Variants in DRD2 observed in about 807,000 individuals in gnomAD.
The protein encoded by DRD2 is D(2) dopamine receptor.
A neutral mutation model predicts 38.0 loss-of-function variants in DRD2; 8 were observed. The ratio of observed to expected loss-of-function variants is 0.21; its 90% CI spans 0.12 to 0.38. The LOEUF is 0.38. Ranked by LOEUF, DRD2 falls within the 10% of genes least tolerant of loss-of-function variation. DRD2 has a pLI of 1.00. For synonymous variants in DRD2, 230 were observed against 238.6 expected (o/e 0.96, Z 0.33); for missense variants, 403 against 607.7 (o/e 0.66, Z 3.54).
At chr11:113,425,804 G>T (rs1035442151) in intron 1 of DRD2, among the ~76,000 whole-genome samples, 1 of 152,080 alleles carries the variant, frequency 6.6e-6, no homozygotes, top group Non-Finnish European at 1.5e-5. Context: ...TGAGAGGGGT[G>T]GGGGGATGTT....
At chr11:113,414,284 T>C in intron 6 of DRD2, 91 bp downstream of exon 6, 1 of 1,252,330 alleles carries the variant, frequency 8.0e-7, no homozygotes, top group Non-Finnish European at 1.2e-6. Flanking sequence ...GCTTCTCCCA[T>C]TGGCCAGCTT....
chr11:113,441,657 C>T (rs1364831062), intron 1 of DRD2, among the ~76,000 whole-genome samples: 6 of 152,126 alleles, frequency 3.9e-5, no homozygotes, highest in Non-Finnish European at 7.3e-5. Flanking sequence ...GACAGCCCGG[C>T]TCATGAGGAA....
intron 1 of DRD2, among the ~76,000 whole-genome samples, chr11:113,468,527 G>T (rs7939472): frequency 0.97 from 148,109 of 152,168 alleles, 72,200 homozygotes; most frequent in Middle Eastern, 1. Flanking sequence ...ATTGATCAGG[G>T]TTTTTTTTGT....
At chr11:113,433,443 GA>G (rs1951007158) in intron 1 of DRD2, among the ~76,000 whole-genome samples, 1 of 152,192 alleles carries the variant, frequency 6.6e-6, no homozygotes, top group African/African-American at 2.4e-5. Context: ...CCCGTTAGTG[GA>G]AGCCCAGGGA....
rs187441195 is a variant in DRD2 at position 113,448,444 on chromosome 11, A to T, written c.-31-23762T>A. Reference sequence around the variant, plus strand: ...ACACAGAGACTCCTGGCTCCCTGTCAGAGCTGCTCCCCACTCTAAAAAGCC... The same window carrying T: ...ACACAGAGACTCCTGGCTCCCTGTCTGAGCTGCTCCCCACTCTAAAAAGCC... On this transcript the variant is annotated intron_variant, in intron 1 of 7. Coordinates refer to ENST00000362072, the MANE Select transcript of DRD2 (RefSeq NM_000795.4). 3.9e-3 allele frequency among the ~76,000 whole-genome samples: 595 copies of T among 152,330 alleles called. 14 individuals are homozygous for T. Among genetic ancestry groups the T allele is most frequent in the Admixed American group, 0.026 (399 of 15,302 alleles).
intron 1 of DRD2, among the ~76,000 whole-genome samples, chr11:113,452,435 CGTGTGTGTGT>C (rs759448996): frequency 0.031 from 4,088 of 130,290 alleles, 90 homozygotes; most frequent in South Asian, 0.061. Context: ...GGTGTGCATG[CGTGTGTGTGT>C]GTGTGTGTGT....
chr11:113,471,852 T>C (rs947873681), intron 1 of DRD2, among the ~76,000 whole-genome samples: 3 of 152,230 alleles, frequency 2.0e-5, no homozygotes, highest in African/African-American at 7.2e-5. Context: ...CTATAAACTA[T>C]ATCCCAGGAA....
intron 1 of DRD2, among the ~76,000 whole-genome samples, chr11:113,447,337 T>C (rs1951161196): frequency 6.6e-6 from 1 of 152,172 alleles, no homozygotes. Flanking sequence ...GGGGGAGCTC[T>C]CTCGGGCTTT....
At chr11:113,433,898 T>A (rs1400335703) in intron 1 of DRD2, among the ~76,000 whole-genome samples, 2 of 152,228 alleles carry the variant, frequency 1.3e-5, no homozygotes, top group African/African-American at 4.8e-5. Flanking sequence ...GAAGCTAGCC[T>A]TCGGCACTTT....
At chr11:113,463,304 C>A (rs1951339640) in intron 1 of DRD2, among the ~76,000 whole-genome samples, 2 of 152,178 alleles carry the variant, frequency 1.3e-5, no homozygotes, top group African/African-American at 4.8e-5. Flanking sequence ...TTTAATGTGG[C>A]TACCTGCAGC....
intron 2 of DRD2, among the ~76,000 whole-genome samples, chr11:113,423,039 T>G (rs1447853042): frequency 6.6e-6 from 1 of 152,098 alleles, no homozygotes; most frequent in Non-Finnish European, 1.5e-5. Flanking sequence ...GACTCCCAGA[T>G]TGCTTGAGTC....
chr11:113,415,565 G>A lies in DRD2; in HGVS notation c.579C>T (p.Ser193=), dbSNP rs202200970. The A allele has an allele frequency of 3.7e-6, 6 of 1,614,100 alleles. No individual in the cohort carries two copies. Among genetic ancestry groups the A allele is most frequent in the Middle Eastern group, 1.6e-4 (1 of 6,084 alleles). The change falls in exon 5 of 8, where the codon TCC becomes TCT. Residue 193 remains serine (S), a synonymous_variant. Transcript: ENST00000362072. The stretch of plus-strand genomic sequence containing the variant: ...AGGGCACGTAGAAGGAGACGATGGA[G>A]GAGTAGACCACGAAGGCCGGGTTGG... ...IIANPAFVVY[S]SIVSFYVPFI...
At chr11:113,467,679 G>C (rs1051301778) in intron 1 of DRD2, among the ~76,000 whole-genome samples, 3 of 152,232 alleles carry the variant, frequency 2.0e-5, no homozygotes, top group Admixed American at 6.5e-5. Context: ...CTCCAACCAT[G>C]AGGTAGCAGA....
rs1439175710 is a variant in DRD2, at chr11:113,475,200, T to C, written c.-156A>G. 6.6e-6 allele frequency: 1 copy of C among 150,536 alleles called. No homozygotes were observed. The highest frequency in any genetic ancestry group is 1.5e-5 in the Non-Finnish European group (1 of 67,422). The allele number at this position is 150,536 out of a possible 1,614,324, so 9.3% of individuals were successfully genotyped here. Reference sequence around the variant, plus strand: ...CGGGGCCGCCACTCTCCTCGGCCGGTCCCTGGCTCCCGGCCCCGCCGCGCC... The same window carrying C: ...CGGGGCCGCCACTCTCCTCGGCCGGCCCCTGGCTCCCGGCCCCGCCGCGCC... On this transcript the variant is annotated 5_prime_UTR_variant, in exon 1 of 8. Transcript: ENST00000362072.
At chr11:113,441,396 G>T (rs1951090653) in intron 1 of DRD2, among the ~76,000 whole-genome samples, 1 of 152,210 alleles carries the variant, frequency 6.6e-6, no homozygotes, top group African/African-American at 2.4e-5. Flanking sequence ...CAAACTGGTA[G>T]CCTATGGACC....
intron 2 of DRD2, among the ~76,000 whole-genome samples, chr11:113,419,413 A>G (rs1472137793): frequency 6.6e-6 from 1 of 151,708 alleles, no homozygotes; most frequent in African/African-American, 2.4e-5. Context: ...AGCTCCTGGC[A>G]GGAGCACGTT....
chr11:113,424,997 C>T (rs1365120167), intron 1 of DRD2: 3 of 356,940 alleles, frequency 8.4e-6, no homozygotes, highest in East Asian at 1.3e-4. Context: ...CCACACACTT[C>T]AGTTAACCAG....
chr11:113,412,431 A>T lies in DRD2; in HGVS notation c.1138+125T>A, dbSNP rs182440713. The T allele has an allele frequency of 2.1e-5, 25 of 1,216,314 alleles. No individual in the cohort carries two copies. The East Asian group carries it at 6.3e-4, about 31-fold the overall frequency. 75.3% of individuals were successfully genotyped at this position (1,216,314 alleles called of 1,614,324 possible). On this transcript the variant is annotated intron_variant, in intron 7 of 7. Coordinates refer to ENST00000362072, the MANE Select transcript of DRD2 (RefSeq NM_000795.4). ...ACCTAATAGGGCTGTCTGTATGTCA[A>T]TGGGCTTGGCCTGTGCCTGAGGAAA...
intron 1 of DRD2, among the ~76,000 whole-genome samples, chr11:113,441,006 A>G (rs1027552054): frequency 6.6e-6 from 1 of 152,216 alleles, no homozygotes; most frequent in African/African-American, 2.4e-5. Flanking sequence ...ATTAGCAGTA[A>G]TGAGGCTGTG....
Sources: allele counts gnomAD v4.1 joint callset (sites outside exome capture counted in the v4.1 genomes callset), GRCh38; gene constraint gnomAD v4.1.1; transcripts MANE v1.5; gene names NCBI Gene and HGNC (gene_info 2026-07-23, HGNC 2026-07-21).